The following FYN variants were observed in gnomAD, a reference collection of about 807,000 sequenced individuals.
FYN encodes the protein FYN proto-oncogene, Src family tyrosine kinase.
Under a neutral mutation model 70.2 loss-of-function variants are expected in FYN, and 10 were observed. The observed-to-expected ratio is 0.14, with a 90% CI of 0.09 to 0.24. The LOEUF (loss-of-function observed/expected upper bound fraction) is 0.24. Ranked by LOEUF, FYN falls within the 10% of genes least tolerant of loss-of-function variation. FYN has a pLI of 1.00. For missense variants in FYN, 319 were observed against 673.1 expected, an observed-to-expected ratio of 0.47 and a Z score of 5.82; for synonymous variants, 236 against 248.6, an observed-to-expected ratio of 0.95 and a Z score of 0.48.
intron 5 of FYN, among the ~76,000 whole-genome samples, chr6:111,710,419 C>T (rs571375678): frequency 6.6e-6 from 1 of 152,238 alleles, no homozygotes; most frequent in Admixed American, 6.5e-5. Context: ...GGTCTAGGTA[C>T]CTAAATAGTG....
At chr6:111,703,733 A>G (rs1799945384) in intron 7 of FYN, among the ~76,000 whole-genome samples, 1 of 152,184 alleles carries the variant, frequency 6.6e-6, no homozygotes, top group Admixed American at 6.5e-5. Flanking sequence ...ACTTCTGAAA[A>G]TTCTACGATC....
At chr6:111,712,390 C>T (rs1279511561) in intron 5 of FYN, among the ~76,000 whole-genome samples, 2 of 152,154 alleles carry the variant, frequency 1.3e-5, no homozygotes, top group African/African-American at 4.8e-5. Flanking sequence ...AGGAGGTATA[C>T]CCAGAGAGAT....
chr6:111,803,204 G>C (rs562774986), intron 2 of FYN, among the ~76,000 whole-genome samples: 1 of 152,324 alleles, frequency 6.6e-6, no homozygotes, highest in African/African-American at 2.4e-5. Context: ...TGGCTAACTG[G>C]TAGTATTAAT....
chr6:111,859,617 G>A (rs546738166), intron 1 of FYN, among the ~76,000 whole-genome samples: 4 of 152,262 alleles, frequency 2.6e-5, no homozygotes, highest in South Asian at 2.1e-4. Flanking sequence ...TGCAGTAATA[G>A]TTAAAATCAA....
intron 5 of FYN, 166 bp from the exon 6 acceptor site, chr6:111,708,186 G>C: frequency 1.7e-6 from 1 of 582,240 alleles, no homozygotes; most frequent in South Asian, 2.1e-5. Context: ...GTGAAGGTCA[G>C]AAGGTTCCAG....
At chr6:111,773,572 GA>G (rs1803568820) in intron 3 of FYN, among the ~76,000 whole-genome samples, 1 of 68,382 alleles carries the variant, frequency 1.5e-5, no homozygotes, top group African/African-American at 6.0e-5. Flanking sequence ...GGGAGAGGGA[GA>G]GGGGGAGGGG....
chr6:111,853,575 GA>G (rs537384221), intron 1 of FYN, among the ~76,000 whole-genome samples: 71 of 152,244 alleles, frequency 4.7e-4, no homozygotes, highest in African/African-American at 1.7e-3. Flanking sequence ...GCGACAGGAT[GA>G]CATCAGGAGA....
intron 13 of FYN, among the ~76,000 whole-genome samples, chr6:111,670,353 A>T (rs1464490114): frequency 6.6e-6 from 1 of 151,764 alleles, no homozygotes; most frequent in African/African-American, 2.4e-5. Context: ...TAGGTCTTCT[A>T]CTCACCAGTG....
chr6:111,853,876 A>G (rs748741345), intron 1 of FYN, among the ~76,000 whole-genome samples: 1 of 152,094 alleles, frequency 6.6e-6, no homozygotes, highest in Non-Finnish European at 1.5e-5. Flanking sequence ...GCTTTGTCAT[A>G]TAGATTTTTA....
rs147786969 is a variant in FYN at position 111,730,733 on chromosome 6, G to C, written c.-11-10671C>G. Among the ~76,000 whole-genome samples the C allele has an allele frequency of 4.3e-4, 65 of 152,314 alleles. 1 individual carries two copies. In the East Asian group the frequency reaches 8.9e-3, roughly 21 times the overall value. ...TAGGCAACACTGGTTCATGTGACCT[G>C]AAAATTTTCAGAAACACTAGGCACA... On this transcript the variant is annotated intron_variant, in intron 3 of 13. Transcript: ENST00000354650.
At chr6:111,854,308 A>C (rs147351005) in intron 1 of FYN, among the ~76,000 whole-genome samples, 111 of 152,294 alleles carry the variant, frequency 7.3e-4, no homozygotes, top group Admixed American at 1.9e-3. Flanking sequence ...ATCGTGGTGT[A>C]AGCAACACCT....
At chr6:111,766,545 T>C (rs542795142) in intron 3 of FYN, among the ~76,000 whole-genome samples, 1 of 152,288 alleles carries the variant, frequency 6.6e-6, no homozygotes, top group South Asian at 2.1e-4. Flanking sequence ...AATAAAGACA[T>C]ACATGAGACT....
At chr6:111,837,443 C>T (rs1378360211) in intron 2 of FYN, among the ~76,000 whole-genome samples, 1 of 152,076 alleles carries the variant, frequency 6.6e-6, no homozygotes, top group East Asian at 1.9e-4. Flanking sequence ...GTAGCATTAT[C>T]TATGTTGACA....
intron 13 of FYN, among the ~76,000 whole-genome samples, chr6:111,666,602 G>A (rs1798020836): frequency 6.6e-6 from 1 of 152,160 alleles, no homozygotes; most frequent in Non-Finnish European, 1.5e-5. Context: ...GGAAGCTGAG[G>A]CAGGCAGACC....
chr6:111,785,624 T>C (rs1412149202), intron 2 of FYN, among the ~76,000 whole-genome samples: 1 of 152,150 alleles, frequency 6.6e-6, no homozygotes, highest in Non-Finnish European at 1.5e-5. Flanking sequence ...CTTGCCCAAG[T>C]TCTTATTAGT....
chr6:111,682,183 C>T (rs1318679095), intron 12 of FYN, among the ~76,000 whole-genome samples: 1 of 152,236 alleles, frequency 6.6e-6, no homozygotes, highest in Non-Finnish European at 1.5e-5. Flanking sequence ...TTTACACAGA[C>T]TTAATCAAAC....
At chr6:111,747,040 T>G (rs943291299) in intron 3 of FYN, among the ~76,000 whole-genome samples, 1 of 152,172 alleles carries the variant, frequency 6.6e-6, no homozygotes, top group Admixed American at 6.5e-5. Flanking sequence ...AAATATTCTT[T>G]AAAAAATTAA....
chr6:111,724,791 A>G (rs1169286706), intron 3 of FYN, among the ~76,000 whole-genome samples: 2 of 152,242 alleles, frequency 1.3e-5, no homozygotes, highest in Non-Finnish European at 2.9e-5. Context: ...AGCCTCCAGC[A>G]GACTTTGGAG....
intron 12 of FYN, among the ~76,000 whole-genome samples, chr6:111,678,105 AATATGT>A (rs750484128): frequency 1.7e-5 from 1 of 59,532 alleles, no homozygotes; most frequent in Admixed American, 1.9e-4. Flanking sequence ...CGAAGGCCAT[AATATGT>A]GTGTGTGTGT....
Sources: gnomAD v4.1 joint callset for allele counts (sites outside exome capture counted in the v4.1 genomes callset) on GRCh38, gnomAD v4.1.1 for gene constraint, MANE v1.5 for transcripts, NCBI Gene and HGNC (gene_info 2026-07-23, HGNC 2026-07-21) for gene names.